The following GABRA2 variants were observed in gnomAD, a reference collection of about 807,000 sequenced individuals.
The protein encoded by GABRA2 is gamma-aminobutyric acid type A receptor subunit alpha2.
A neutral mutation model predicts 48.7 loss-of-function variants in GABRA2; 16 were observed. The ratio of observed to expected loss-of-function variants is 0.33; its 90% CI spans 0.22 to 0.50. The LOEUF is 0.50. Ranked by LOEUF, GABRA2 falls within the 20% of genes least tolerant of loss-of-function variation. The pLI is 0.98. For missense variants in GABRA2, 275 were observed against 535.6 expected (o/e 0.51, Z 4.80); for synonymous variants, 185 against 184.5 (o/e 1.00, Z -0.02).
intron 8 of GABRA2, among the ~76,000 whole-genome samples, chr4:46,274,671 A>C (rs1203988209): frequency 6.6e-6 from 1 of 152,112 alleles, no homozygotes; most frequent in African/African-American, 2.4e-5. Context: ...CCTTAAATAC[A>C]GAGTTGCCCA....
At chr4:46,258,881 G>A (rs1716390112) in intron 9 of GABRA2, among the ~76,000 whole-genome samples, 1 of 151,798 alleles carries the variant, frequency 6.6e-6, no homozygotes, top group Admixed American at 6.6e-5. Flanking sequence ...AAATGAAAAG[G>A]AAATTAGATT....
rs560835378 is a variant in GABRA2 at position 46,245,075 on chromosome 4, T to C, written c.*5233A>G. Among the ~76,000 whole-genome samples the C allele has an allele frequency of 2.8e-4, 43 of 151,434 alleles. No homozygotes were observed. The highest frequency in any genetic ancestry group is 9.4e-4 in the African/African-American group (39 of 41,482). ...TTTCGTTTACCTTTCCTATAATATA[T>C]GTAAACTGGTATGTTGGTGTACTAT... On this transcript the variant is annotated 3_prime_UTR_variant, in exon 10 of 10. Transcript: ENST00000381620.
chr4:46,266,552 C>T (rs927588897), intron 8 of GABRA2, among the ~76,000 whole-genome samples: 5 of 150,596 alleles, frequency 3.3e-5, no homozygotes, highest in Non-Finnish European at 5.9e-5. Flanking sequence ...TTGGTTGTTT[C>T]GAGATTCTCT....
intron 8 of GABRA2, among the ~76,000 whole-genome samples, chr4:46,299,412 T>G (rs1211176084): frequency 6.6e-6 from 1 of 151,900 alleles, no homozygotes; most frequent in African/African-American, 2.4e-5. Flanking sequence ...CAAAACAGTT[T>G]ATTATTAATC....
chr4:46,286,424 C>T (rs1722551609), intron 8 of GABRA2, among the ~76,000 whole-genome samples: 2 of 152,136 alleles, frequency 1.3e-5, no homozygotes, highest in African/African-American at 4.8e-5. Flanking sequence ...GTACATGTTT[C>T]TGTGTGAACA....
intron 3 of GABRA2, among the ~76,000 whole-genome samples, chr4:46,334,522 G>T (rs922760993): frequency 6.6e-6 from 1 of 152,180 alleles, no homozygotes; most frequent in Admixed American, 6.6e-5. Context: ...AAAGTGAAAT[G>T]ATTCTCCTTA....
At chr4:46,263,912 TTCTCTCTCTCTCTCTCTCTC>T (rs3068324) in intron 8 of GABRA2, among the ~76,000 whole-genome samples, 1 of 144,992 alleles carries the variant, frequency 6.9e-6, no homozygotes, top group African/African-American at 2.5e-5. Context: ...ATTAGATCAA[TTCTCTCTCTCTCTCTCTCTC>T]TCTCTCTCTC....
At chr4:46,259,478 T>C (rs1716518480) in intron 9 of GABRA2, among the ~76,000 whole-genome samples, 1 of 152,030 alleles carries the variant, frequency 6.6e-6, no homozygotes, top group African/African-American at 2.4e-5. Context: ...AGTGTTTATT[T>C]ATTTATTTGC....
At chr4:46,265,261 C>T (rs991881784) in intron 8 of GABRA2, among the ~76,000 whole-genome samples, 2 of 149,554 alleles carry the variant, frequency 1.3e-5, no homozygotes, top group Non-Finnish European at 3.0e-5. Flanking sequence ...GTCTCAAACT[C>T]CTGGCCTCAA....
intron 3 of GABRA2, chr4:46,368,046 A>G (rs1003258085): frequency 5.9e-5 from 9 of 152,154 alleles, no homozygotes; most frequent in African/African-American, 2.2e-4. Context: ...CACAGTGGCT[A>G]GCAATGTTTT....
At chr4:46,257,100 C>A (rs192313840) in intron 9 of GABRA2, among the ~76,000 whole-genome samples, 137 of 151,652 alleles carry the variant, frequency 9.0e-4, no homozygotes, top group Middle Eastern at 3.4e-3. Flanking sequence ...CAAAATATTG[C>A]CCACTCAGAT....
At chr4:46,299,906 C>A (rs531059587) in intron 8 of GABRA2, among the ~76,000 whole-genome samples, 1 of 151,710 alleles carries the variant, frequency 6.6e-6, no homozygotes, top group African/African-American at 2.4e-5. Context: ...TGTAGAGTCT[C>A]GTTTCTTTCC....
chr4:46,360,596 G>T (rs1367697646), intron 3 of GABRA2, among the ~76,000 whole-genome samples: 1 of 152,166 alleles, frequency 6.6e-6, no homozygotes, highest in Admixed American at 6.5e-5. Flanking sequence ...TGTGAAAATG[G>T]ACTAATACAG....
intron 3 of GABRA2, among the ~76,000 whole-genome samples, chr4:46,344,568 T>A (rs939445623): frequency 2.6e-5 from 4 of 151,808 alleles, no homozygotes; most frequent in African/African-American, 9.7e-5. Context: ...GTTGAACATA[T>A]GGCAAGGCAG....
chr4:46,288,201 C>T (rs1462845504), intron 8 of GABRA2, among the ~76,000 whole-genome samples: 1 of 152,136 alleles, frequency 6.6e-6, no homozygotes, highest in Admixed American at 6.5e-5. Context: ...GACCATACTA[C>T]CCAAAGCAAT....
intron 9 of GABRA2, among the ~76,000 whole-genome samples, chr4:46,255,015 T>A (rs190294470): frequency 6.6e-6 from 1 of 151,720 alleles, no homozygotes; most frequent in Admixed American, 6.6e-5. Context: ...AAGACAACAC[T>A]TTCTACTGCC....
At chr4:46,389,147 C>T in intron 1 of GABRA2, 1 of 991,502 alleles carries the variant, frequency 1.0e-6, no homozygotes, top group Non-Finnish European at 1.2e-6. Context: ...CTTCACGCCA[C>T]AACCCCCTCA....
rs1344737832 is a variant in GABRA2, at chr4:46,389,268, T to A, written c.-11+467A>T. On this transcript the variant is annotated intron_variant, in intron 1 of 9. Coordinates refer to ENST00000381620, the MANE Select transcript of GABRA2 (RefSeq NM_000807.4). ...GGTCCTCACGTCTTCTTTTCTTCAC[T>A]CCCCTTAACAAAATAAAATAAATAA... 5.1e-6 allele frequency: 5 copies of A among 985,248 alleles called. No homozygotes were observed. In the African/African-American group the frequency reaches 8.7e-5, roughly 17 times the overall value. 61.0% of individuals were successfully genotyped at this position (985,248 alleles called of 1,614,324 possible).
intron 4 of GABRA2, among the ~76,000 whole-genome samples, chr4:46,320,079 T>C (rs1352552960): frequency 6.6e-6 from 1 of 151,812 alleles, no homozygotes; most frequent in African/African-American, 2.4e-5. Context: ...AATATCAGAA[T>C]AAAATTTCCT....
Sources: gnomAD v4.1 joint callset for allele counts (sites outside exome capture counted in the v4.1 genomes callset) on GRCh38, gnomAD v4.1.1 for gene constraint, MANE v1.5 for transcripts, NCBI Gene and HGNC (gene_info 2026-07-23, HGNC 2026-07-21) for gene names.